CSNK2A1: variants seen among roughly 807,000 people sequenced by gnomAD.
The protein encoded by CSNK2A1 is casein kinase 2 alpha 1.
A neutral mutation model predicts 62.9 loss-of-function variants in CSNK2A1; 10 were observed. The observed-to-expected ratio is 0.16, with a 90% CI of 0.10 to 0.27. CSNK2A1 has a LOEUF of 0.27. CSNK2A1 is among the 10% of genes least tolerant of loss of function. The pLI, the probability that CSNK2A1 is intolerant of heterozygous loss-of-function variation, is 1.00. For missense variants in CSNK2A1, 160 were observed against 492.0 expected (o/e 0.33, Z 6.38); for synonymous variants, 124 against 167.8 (o/e 0.74, Z 2.02).
Position 478,969 on chromosome 20 carries a change from G to A in CSNK2A1, c.*4992C>T, listed in dbSNP as rs149176257. On this transcript the variant is annotated 3_prime_UTR_variant, in exon 14 of 14. Transcript: ENST00000217244. ...AAAACTTCTAGTGAGTAGAGCGACA[G>A]GGAGACAAATCCAGTTTGTAATTTG... 2.5e-5 allele frequency: 4 copies of A among 157,050 alleles called. No homozygotes were observed. Among genetic ancestry groups the A allele is most frequent in the East Asian group, 1.9e-4 (1 of 5,198 alleles). The allele number at this position is 157,050 out of a possible 1,614,324, so 9.7% of individuals were successfully genotyped here.
chr20:520,189 G>A (rs770992157), intron 2 of CSNK2A1, among the ~76,000 whole-genome samples: 5 of 151,926 alleles, frequency 3.3e-5, no homozygotes, highest in East Asian at 1.9e-4. Flanking sequence ...AAATATAAGT[G>A]GAATAAATTA....
At chr20:539,945 G>A (rs2019412532) in intron 1 of CSNK2A1, 1 of 152,182 alleles carries the variant, frequency 6.6e-6, no homozygotes, top group South Asian at 2.1e-4. Context: ...CAGTTCAAAT[G>A]GGCAAAATGT....
At chr20:519,517 C>T (rs1310238718) in intron 2 of CSNK2A1, among the ~76,000 whole-genome samples, 1 of 152,080 alleles carries the variant, frequency 6.6e-6, no homozygotes, top group Non-Finnish European at 1.5e-5. Context: ...AGTTGGAGGC[C>T]AGCCTGGGCA....
At chr20:530,623 G>A (rs1186761874) in intron 1 of CSNK2A1, among the ~76,000 whole-genome samples, 8 of 151,886 alleles carry the variant, frequency 5.3e-5, no homozygotes, top group South Asian at 2.1e-4. Context: ...ATGGGTGTGC[G>A]CCACCACGCC....
chr20:512,486 C>G (rs1174145612), intron 2 of CSNK2A1, among the ~76,000 whole-genome samples: 1 of 152,070 alleles, frequency 6.6e-6, no homozygotes, highest in Non-Finnish European at 1.5e-5. Flanking sequence ...ACTTAGCTAC[C>G]ACACCCAAAG....
At chr20:489,926 C>A in intron 9 of CSNK2A1, 45 bp from the exon 10 acceptor site, 1 of 1,414,372 alleles carries the variant, frequency 7.1e-7, no homozygotes, top group Non-Finnish European at 9.4e-7. Flanking sequence ...AATCCTCAGG[C>A]TTGTCACTTC....
intron 1 of CSNK2A1, among the ~76,000 whole-genome samples, chr20:533,108 G>GA (rs1175561930): frequency 2.0e-5 from 3 of 151,786 alleles, no homozygotes; most frequent in Admixed American, 6.6e-5. Context: ...TTCAAGTGGG[G>GA]AAATATATAC....
intron 4 of CSNK2A1, chr20:503,312 C>T (rs1437690136): frequency 5.1e-6 from 2 of 394,168 alleles, no homozygotes; most frequent in Non-Finnish European, 8.9e-6. Context: ...GCTCAGCCAA[C>T]ATTCTTTTTA....
intron 6 of CSNK2A1, chr20:498,333 A>ATATTTTTTTTTTTTTTTT (rs2018387326): frequency 7.3e-6 from 1 of 136,108 alleles, no homozygotes; most frequent in African/African-American, 2.8e-5. Flanking sequence ...ACATGGACAT[A>ATATTTTTTTTTTTTTTTT]TCTTTTTTTT....
intron 9 of CSNK2A1, among the ~76,000 whole-genome samples, chr20:490,201 T>C (rs367956443): frequency 1.2e-3 from 183 of 151,352 alleles, no homozygotes; most frequent in African/African-American, 3.8e-3. Flanking sequence ...CTGGCTAATT[T>C]TGTATTTTTA....
chr20:543,748 G>A lies in CSNK2A1; in HGVS notation c.-303C>T, dbSNP rs938064855. 45 of 398,322 alleles carry A rather than the reference G, an allele frequency of 1.1e-4. No individual in the cohort carries two copies. The highest frequency in any genetic ancestry group is 1.2e-3 in the Middle Eastern group (2 of 1,610). The allele number at this position is 398,322 out of a possible 1,614,324, so 24.7% of individuals were successfully genotyped here. A position where few individuals can be genotyped will look rare whatever the true frequency, so the allele number is the denominator to read the frequency against. On this transcript the variant is annotated 5_prime_UTR_variant, in exon 1 of 14. Coordinates refer to ENST00000217244, the MANE Select transcript of CSNK2A1 (RefSeq NM_177559.3). ...ACAATATGGCGGCGATGGAGGAGGA[G>A]ACACACGGCTCGGCCGCCAGCCGCA...
chr20:503,360 T>C (rs2018508606), intron 4 of CSNK2A1: 1 of 397,562 alleles, frequency 2.5e-6, no homozygotes. Flanking sequence ...AAAGGACTAC[T>C]ATGGCTAGTC....
intron 6 of CSNK2A1, 145 bp from the exon 7 acceptor site, chr20:497,925 T>C (rs527616478): frequency 3.0e-5 from 19 of 631,038 alleles, no homozygotes; most frequent in Non-Finnish European, 4.4e-5. Flanking sequence ...TTCTCCAACA[T>C]TACATTAACT....
intron 9 of CSNK2A1, among the ~76,000 whole-genome samples, chr20:491,863 G>A (rs990742699): frequency 1.3e-5 from 2 of 152,182 alleles, no homozygotes; most frequent in Non-Finnish European, 2.9e-5. Flanking sequence ...GGCGGAGCTT[G>A]CAGTGAGCCG....
chr20:515,175 G>A (rs1282132452), intron 2 of CSNK2A1, among the ~76,000 whole-genome samples: 7 of 152,210 alleles, frequency 4.6e-5, no homozygotes, highest in Non-Finnish European at 1.0e-4. Context: ...GGCATGTGGA[G>A]ATCAGTGGAC....
rs141713445 is a variant in CSNK2A1, at chr20:476,120, G to C, written c.*7841C>G. 2.0e-5 allele frequency: 3 copies of C among 152,348 alleles called. No homozygotes were observed. The highest frequency in any genetic ancestry group is 4.4e-5 in the Non-Finnish European group (3 of 68,132). The allele number at this position is 152,348 out of a possible 1,614,324, so 9.4% of individuals were successfully genotyped here. On this transcript the variant is annotated 3_prime_UTR_variant, in exon 14 of 14. Transcript: ENST00000217244. ...CAAGCAAAATTGAGCCAGGAGACAGGGTTCTGATCCCAGGCATGGGCCTTG... is the reference window on the plus strand; with the variant it reads ...CAAGCAAAATTGAGCCAGGAGACAGCGTTCTGATCCCAGGCATGGGCCTTG...
chr20:525,208 G>A (rs1007520757), intron 2 of CSNK2A1, among the ~76,000 whole-genome samples: 2 of 152,044 alleles, frequency 1.3e-5, no homozygotes, highest in African/African-American at 2.4e-5. Context: ...ATTAAAGCAG[G>A]ACTTAGAAAT....
chr20:490,335 C>CTTTTTTTTTTTTTTTT (rs907727482), intron 9 of CSNK2A1, among the ~76,000 whole-genome samples: 16 of 84,748 alleles, frequency 1.9e-4, no homozygotes, highest in African/African-American at 4.4e-4. Context: ...CTAGTTTTTT[C>CTTTTTTTTTTTTTTTT]TTTTTTTTTT....
At chr20:522,696 AT>A (rs1231042937) in intron 2 of CSNK2A1, among the ~76,000 whole-genome samples, 1 of 73,200 alleles carries the variant, frequency 1.4e-5, no homozygotes, top group East Asian at 1.0e-3. Flanking sequence ...TAATTATTTT[AT>A]TTATTTATTT....
Sources: allele counts gnomAD v4.1 joint callset (sites outside exome capture counted in the v4.1 genomes callset), GRCh38; gene constraint gnomAD v4.1.1; transcripts MANE v1.5; gene names NCBI Gene and HGNC (gene_info 2026-07-23, HGNC 2026-07-21).